The following GRB10 variants were observed in gnomAD, a reference collection of about 807,000 sequenced individuals.
GRB10 encodes the protein growth factor receptor-bound protein 10.
GRB10 carries 20 observed loss-of-function variants against 80.9 expected under a neutral mutation model. That is an observed-to-expected ratio of 0.25 (90% CI 0.17 to 0.36). The LOEUF is 0.36. Among genes scored for constraint, GRB10 ranks in the 10% least tolerant of loss-of-function variants. The probability of loss-of-function intolerance (pLI) is 1.00; values close to 1 mark genes in which losing one functional copy is unlikely to be tolerated. For missense variants in GRB10, 548 were observed against 747.7 expected (o/e 0.73, Z 3.12); for synonymous variants, 291 against 291.5 (o/e 1.00, Z 0.02).
intron 7 of GRB10, among the ~76,000 whole-genome samples, chr7:50,668,883 G>A (rs11981156): frequency 0.047 from 7,171 of 152,294 alleles, 290 homozygotes; most frequent in East Asian, 0.19. Flanking sequence ...TTCCTCATAT[G>A]GGGACAATGG....
At chr7:50,643,615 G>A (rs1047385861) in intron 7 of GRB10, among the ~76,000 whole-genome samples, 1 of 152,096 alleles carries the variant, frequency 6.6e-6, no homozygotes, top group Non-Finnish European at 1.5e-5. Flanking sequence ...TCTTATTAAG[G>A]GTAAATATCC....
chr7:50,614,540 A>T (rs974643897), intron 12 of GRB10, among the ~76,000 whole-genome samples: 1 of 152,152 alleles, frequency 6.6e-6, no homozygotes, highest in African/African-American at 2.4e-5. Flanking sequence ...CACTGAGCCC[A>T]CTAGCCACAT....
At chr7:50,605,209 C>T (rs2153569963) in intron 15 of GRB10, 81 bp downstream of exon 15, 1 of 1,057,410 alleles carries the variant, frequency 9.5e-7, no homozygotes, top group Non-Finnish European at 1.5e-6. Flanking sequence ...CCGCATAGAG[C>T]TGTTCCTCTG....
chr7:50,696,750 A>G (rs2063475184), intron 5 of GRB10, among the ~76,000 whole-genome samples: 1 of 152,186 alleles, frequency 6.6e-6, no homozygotes. Context: ...CATCTCAAAA[A>G]TATTGTTAAG....
intron 18 of GRB10, 50 bp downstream of exon 18, chr7:50,595,387 G>A (rs1160409548): frequency 1.0e-6 from 1 of 1,002,422 alleles, no homozygotes; most frequent in Non-Finnish European, 1.6e-6. Context: ...CATTAAGAAT[G>A]AAACCAGAAA....
intron 7 of GRB10, among the ~76,000 whole-genome samples, chr7:50,644,025 C>T (rs1475011640): frequency 2.0e-5 from 3 of 152,154 alleles, no homozygotes; most frequent in Non-Finnish European, 4.4e-5. Flanking sequence ...CCCATAGTAA[C>T]GATCACCCCA....
intron 4 of GRB10, among the ~76,000 whole-genome samples, chr7:50,714,729 G>A (rs2066568240): frequency 6.6e-6 from 1 of 151,404 alleles, no homozygotes; most frequent in Non-Finnish European, 1.5e-5. Flanking sequence ...GGTGCACAAA[G>A]CCATTGCAAT....
At chr7:50,616,120 T>G (rs899205469) in intron 11 of GRB10, 90 bp downstream of exon 11, 6 of 1,473,644 alleles carry the variant, frequency 4.1e-6, no homozygotes, top group African/African-American at 1.4e-5. Flanking sequence ...CTAAGGTGCA[T>G]TTAAAAATGA....
At chr7:50,780,531 G>A (rs2078173280) in intron 2 of GRB10, 96 bp downstream of exon 2, 1 of 152,144 alleles carries the variant, frequency 6.6e-6, no homozygotes, top group African/African-American at 2.4e-5. Context: ...ATACTTGTAA[G>A]AATCACCTGG....
chr7:50,658,352 C>T (rs374265322), intron 7 of GRB10, among the ~76,000 whole-genome samples: 1 of 152,302 alleles, frequency 6.6e-6, no homozygotes, highest in South Asian at 2.1e-4. Flanking sequence ...TCTAGTGGTT[C>T]CCCCTTACCT....
intron 7 of GRB10, among the ~76,000 whole-genome samples, chr7:50,642,278 T>TCACACACA (rs139544102): frequency 6.7e-6 from 1 of 149,652 alleles, no homozygotes; most frequent in Non-Finnish European, 1.5e-5. Flanking sequence ...CTTGGAAACT[T>TCACACACA]CACACACACA....
rs5884162 is a variant in GRB10 at position 50,690,320 on chromosome 7, C to CAAAAA, written c.139+13496_139+13500dup. On this transcript the variant is annotated intron_variant, in intron 5 of 18. Coordinates refer to ENST00000401949, the MANE Select transcript of GRB10 (RefSeq NM_001350814.2). ...TCAAACAAACAAACAAACAAACAAA[C>CAAAAA]AAAAAAAACAGAAAAAAAAGAAAAA... Among the ~76,000 whole-genome samples, 295 of 148,784 alleles carry CAAAAA rather than the reference C, an allele frequency of 2.0e-3. 2 individuals carry two copies. The highest frequency in any genetic ancestry group is 3.2e-3 in the Non-Finnish European group (217 of 67,766).
At chr7:50,628,570 TGGTG>T (rs2053425851) in intron 7 of GRB10, among the ~76,000 whole-genome samples, 2 of 46,174 alleles carry the variant, frequency 4.3e-5, no homozygotes, top group South Asian at 7.1e-4. Flanking sequence ...CAGGTGGGGG[TGGTG>T]GGGGTGGTAG....
chr7:50,702,406 A>G (rs1469271664), intron 5 of GRB10, among the ~76,000 whole-genome samples: 1 of 152,200 alleles, frequency 6.6e-6, no homozygotes, highest in Non-Finnish European at 1.5e-5. Flanking sequence ...TGGGAGCCAC[A>G]GCCCTGAGGA....
At chr7:50,622,292 A>G (rs145939340) in intron 8 of GRB10, among the ~76,000 whole-genome samples, 1 of 152,318 alleles carries the variant, frequency 6.6e-6, no homozygotes, top group Non-Finnish European at 1.5e-5. Context: ...CCAGCCTGCA[A>G]AAGGCCCCCT....
Position 50,738,922 on chromosome 7 carries a change from C to T in GRB10, c.-46-6554G>A, listed in dbSNP as rs572104871. On this transcript the variant is annotated intron_variant, in intron 3 of 18. Coordinates refer to ENST00000401949, the MANE Select transcript of GRB10 (RefSeq NM_001350814.2). ...TGGTTTCACATTGTTCTTTTAATGT[C>T]GAAGGTTAAACCCTCCTTTGCAAGA... Among the ~76,000 whole-genome samples the T allele has an allele frequency of 4.0e-4, 61 of 151,950 alleles. No homozygotes were observed. The South Asian group carries it at 6.7e-3, about 17-fold the overall frequency.
intron 3 of GRB10, among the ~76,000 whole-genome samples, chr7:50,754,620 G>A (rs765810839): frequency 2.0e-5 from 3 of 152,206 alleles, no homozygotes; most frequent in Non-Finnish European, 4.4e-5. Flanking sequence ...AGAAAGGGAT[G>A]TGTAAAATGT....
intron 2 of GRB10, among the ~76,000 whole-genome samples, chr7:50,768,531 T>A (rs114069304): frequency 6.6e-6 from 1 of 152,334 alleles, no homozygotes; most frequent in African/African-American, 2.4e-5. Context: ...ATTCACTCAG[T>A]ACACACTTAC....
intron 1 of GRB10, chr7:50,792,622 G>A: frequency 5.0e-6 from 2 of 397,384 alleles, no homozygotes; most frequent in East Asian, 3.6e-5. Flanking sequence ...AGGCCCCAGC[G>A]GCGGCTAACG....
Sources: allele counts gnomAD v4.1 joint callset (sites outside exome capture counted in the v4.1 genomes callset), GRCh38; gene constraint gnomAD v4.1.1; transcripts MANE v1.5; gene names NCBI Gene and HGNC (gene_info 2026-07-23, HGNC 2026-07-21).